The following NDUFS1 variants were observed in gnomAD, a reference collection of about 807,000 sequenced individuals.
The protein encoded by NDUFS1 is NADH:ubiquinone oxidoreductase core subunit S1, also known as NADH-ubiquinone oxidoreductase 75 kDa subunit, mitochondrial.
Under a neutral mutation model 84.4 loss-of-function variants are expected in NDUFS1, and 61 were observed. That is an observed-to-expected ratio of 0.72 (90% CI 0.59 to 0.89). NDUFS1 has a LOEUF of 0.89. Ranked by LOEUF, NDUFS1 falls within the 40% of genes least tolerant of loss-of-function variation. The pLI, the probability that NDUFS1 is intolerant of heterozygous loss-of-function variation, is 0.00. For missense variants in NDUFS1, 891 were observed against 890.0 expected, an observed-to-expected ratio of 1.00 and a Z score of -0.01; for synonymous variants, 275 against 290.0, an observed-to-expected ratio of 0.95 and a Z score of 0.53.
intron 1 of NDUFS1, among the ~76,000 whole-genome samples, chr2:206,157,933 CAT>C (rs1241558411): frequency 1.3e-4 from 20 of 151,696 alleles, no homozygotes; most frequent in African/African-American, 4.8e-4. Flanking sequence ...CCCAATCCAC[CAT>C]CACTCCTTGC....
In NDUFS1 at chr2:206,152,477, A is replaced by G. The variant is rs1692408428; in HGVS notation, c.95T>C (p.Ile32Thr). Residue 32 changes from isoleucine to threonine, a missense_variant, in exon 3 of 19, where the codon ATT becomes ACT. Transcript: ENST00000233190. ...AGACTGACCATCAACAAATACTTCA[A>G]TCAAGTTGCTTGCTGCTGTGGCAGT... ...RTTATAASNLIEVFVDGQSVM... is the reference protein window; with the variant it reads ...RTTATAASNLTEVFVDGQSVM... The G allele has an allele frequency of 6.2e-7, 1 of 1,614,186 alleles. No individual in the cohort carries two copies. The highest frequency in any genetic ancestry group is 8.5e-7 in the Non-Finnish European group (1 of 1,180,026).
At chr2:206,145,833 C>T (rs565864327) in intron 8 of NDUFS1, among the ~76,000 whole-genome samples, 3 of 152,244 alleles carry the variant, frequency 2.0e-5, no homozygotes, top group Non-Finnish European at 2.9e-5. Context: ...ACTTGGAGCA[C>T]GAGGCAAACT....
At position 206,127,109 on chromosome 2, in the gene NDUFS1, C is replaced by T. The variant is rs909387009; in HGVS notation, c.1885-265G>A. On this transcript the variant is annotated intron_variant, in intron 16 of 18. Transcript: ENST00000233190. ...GCTAAATCCAAATGTTTTTGCTAAC[C>T]TGTTATTAAAATACATAAAGTTTAC... is the stretch of plus-strand genomic sequence containing the variant. Among the ~76,000 whole-genome samples the T allele has an allele frequency of 2.0e-5, 3 of 152,156 alleles. No homozygotes were observed. In the South Asian group the frequency reaches 6.2e-4, roughly 32 times the overall value.
intron 13 of NDUFS1, 112 bp downstream of exon 13, chr2:206,138,373 G>A (rs933949469): frequency 2.6e-5 from 33 of 1,282,494 alleles, no homozygotes; most frequent in Admixed American, 9.2e-5. Context: ...GAGCCACCGC[G>A]CCCAACCTGG....
intron 2 of NDUFS1, 53 bp from the exon 3 acceptor site, chr2:206,152,563 G>A (rs1692413188): frequency 2.8e-6 from 4 of 1,422,060 alleles, no homozygotes; most frequent in South Asian, 1.1e-5. Context: ...TATTATAGCA[G>A]ATGATAATGG....
rs183987006 is a variant in NDUFS1 at position 206,158,213 on chromosome 2, C to A, written c.-5+1128G>T. On this transcript the variant is annotated intron_variant, in intron 1 of 18. Transcript: ENST00000233190. ...TCCTGGCCTCGTGATCCGCCCGCCT[C>A]GGCCTCCCAAAGTGGTGGGATTACA... Among the ~76,000 whole-genome samples the A allele has an allele frequency of 7.0e-4, 107 of 152,228 alleles. No homozygotes were observed. The Middle Eastern group carries it at 0.014, about 19-fold the overall frequency.
At chr2:206,153,028 T>C (rs1692435523) in intron 2 of NDUFS1, among the ~76,000 whole-genome samples, 2 of 152,160 alleles carry the variant, frequency 1.3e-5, no homozygotes, top group Admixed American at 1.3e-4. Context: ...TTAATGTCAC[T>C]GAAAATATGT....
At chr2:206,138,953 C>T (rs1199379994) in intron 12 of NDUFS1, among the ~76,000 whole-genome samples, 1 of 151,916 alleles carries the variant, frequency 6.6e-6, no homozygotes, top group Non-Finnish European at 1.5e-5. Context: ...CCCATCTCTT[C>T]TAAAAATACA....
At chr2:206,134,231 C>T (rs1284566319) in intron 13 of NDUFS1, among the ~76,000 whole-genome samples, 3 of 152,172 alleles carry the variant, frequency 2.0e-5, no homozygotes, top group African/African-American at 4.8e-5. Flanking sequence ...CACTTAAAAA[C>T]TCAAAGAAGC....
chr2:206,129,849 C>G (rs563054439), intron 15 of NDUFS1, among the ~76,000 whole-genome samples: 26 of 152,150 alleles, frequency 1.7e-4, no homozygotes, highest in African/African-American at 6.3e-4. Flanking sequence ...GCACTGGCCT[C>G]CCAAAGTGCT....
intron 15 of NDUFS1, among the ~76,000 whole-genome samples, chr2:206,129,308 G>A (rs1347003145): frequency 6.6e-6 from 1 of 151,952 alleles, no homozygotes; most frequent in East Asian, 1.9e-4. Context: ...TGTCACCCAG[G>A]CTGGAGTGCA....
intron 15 of NDUFS1, among the ~76,000 whole-genome samples, chr2:206,128,805 G>A (rs972567098): frequency 3.3e-5 from 5 of 150,666 alleles, no homozygotes; most frequent in South Asian, 2.1e-4. Flanking sequence ...TTTTTTTAAA[G>A]AAAAAAAAGT....
chr2:206,156,195 G>A (rs1249432302), intron 1 of NDUFS1, among the ~76,000 whole-genome samples: 13 of 150,430 alleles, frequency 8.6e-5, no homozygotes, highest in Non-Finnish European at 1.6e-4. Flanking sequence ...CCCGGGAGGC[G>A]GAGCTTGCAG....
rs1416258789 is a variant in NDUFS1, at chr2:206,121,800, A to G, written c.*2385T>C. On this transcript the variant is annotated 3_prime_UTR_variant, in exon 19 of 19. Transcript: ENST00000233190. ...TATGATTGTTCACCACAAGCTGCCTAGCAGGTAGCCCAAGGATCCTGGATC... is the reference window on the plus strand; with the variant it reads ...TATGATTGTTCACCACAAGCTGCCTGGCAGGTAGCCCAAGGATCCTGGATC... 2.0e-5 allele frequency: 3 copies of G among 152,096 alleles called. No homozygotes were observed. The highest frequency in any genetic ancestry group is 2.0e-4 in the Admixed American group (3 of 15,252). The allele number at this position is 152,096 out of a possible 1,614,324, so 9.4% of individuals were successfully genotyped here. A position where few individuals can be genotyped will look rare whatever the true frequency, so the allele number is the denominator to read the frequency against.
chr2:206,142,832 C>G lies in NDUFS1; in HGVS notation c.988-1G>C. On this transcript the variant is annotated splice_acceptor_variant, in intron 10 of 18. Coordinates refer to ENST00000233190, the MANE Select transcript of NDUFS1 (RefSeq NM_005006.7). LOFTEE classifies it high-confidence loss of function. ...CATCTTTGCCTTGAAAACTCTGCAA[C>G]TAGAAACAGATGAAAAGGGCATCAC... The G allele has an allele frequency of 6.2e-7, 1 of 1,614,110 alleles. No homozygotes were observed. Among genetic ancestry groups the G allele is most frequent in the Non-Finnish European group, 8.5e-7 (1 of 1,180,018 alleles).
chr2:206,147,917 G>T, intron 5 of NDUFS1, 83 bp from the exon 6 acceptor site: 2 of 1,285,428 alleles, frequency 1.6e-6, no homozygotes, highest in South Asian at 1.2e-5. Context: ...ATGACCTATA[G>T]ACTTTATTTT....
intron 8 of NDUFS1, 66 bp downstream of exon 8, chr2:206,146,837 T>A (rs1692169261): frequency 6.8e-7 from 1 of 1,469,310 alleles, no homozygotes; most frequent in Non-Finnish European, 9.5e-7. Flanking sequence ...AAAATGAACC[T>A]TAATATTTTT....
intron 14 of NDUFS1, among the ~76,000 whole-genome samples, chr2:206,131,967 T>TA (rs1691529813): frequency 6.7e-6 from 1 of 150,074 alleles, no homozygotes; most frequent in African/African-American, 2.5e-5. Flanking sequence ...AATAATAAAA[T>TA]AAAAAAATTA....
At chr2:206,128,005 T>C in intron 15 of NDUFS1, 33 bp from the exon 16 acceptor site, 1 of 1,608,586 alleles carries the variant, frequency 6.2e-7, no homozygotes, top group Non-Finnish European at 8.5e-7. Flanking sequence ...AAACCAAAAT[T>C]TTATTAAAAA....
Sources: gnomAD v4.1 joint callset for allele counts (sites outside exome capture counted in the v4.1 genomes callset) on GRCh38, gnomAD v4.1.1 for gene constraint, MANE v1.5 for transcripts, NCBI Gene and HGNC (gene_info 2026-07-23, HGNC 2026-07-21) for gene names.